WDFY3: variants seen among roughly 807,000 people sequenced by gnomAD.
WDFY3 encodes the protein WD repeat and FYVE domain-containing protein 3.
WDFY3 carries 66 observed loss-of-function variants against 409.6 expected under a neutral mutation model. The observed-to-expected ratio is 0.16, with a 90% CI of 0.13 to 0.20. The LOEUF (loss-of-function observed/expected upper bound fraction) is 0.20, where lower values mean the gene tolerates loss of function less well. WDFY3 is among the 10% of genes least tolerant of loss of function. The probability of loss-of-function intolerance (pLI) is 1.00; values close to 1 mark genes in which losing one functional copy is unlikely to be tolerated. For synonymous variants in WDFY3, 1,521 were observed against 1,537.1 expected (o/e 0.99, Z 0.25); for missense variants, 3,031 against 4,298.1 (o/e 0.71, Z 8.24).
chr4:84,791,081 CAT>C (rs1748437389), intron 21 of WDFY3, among the ~76,000 whole-genome samples: 1 of 152,184 alleles, frequency 6.6e-6, no homozygotes, highest in African/African-American at 2.4e-5. Flanking sequence ...ATAGAACTAA[CAT>C]ATAATCCAGC....
intron 42 of WDFY3, among the ~76,000 whole-genome samples, chr4:84,735,570 C>G (rs1737304466): frequency 6.6e-6 from 1 of 152,220 alleles, no homozygotes; most frequent in Non-Finnish European, 1.5e-5. Context: ...ATCCTGCTTT[C>G]TTCTCCCTTC....
chr4:84,787,357 A>G (rs1248729005), intron 23 of WDFY3, 125 bp downstream of exon 23: 1 of 847,666 alleles, frequency 1.2e-6, no homozygotes, highest in East Asian at 2.7e-5. Context: ...ATCCTGCTGA[A>G]GAAGATTAGA....
intron 64 of WDFY3, 57 bp downstream of exon 64, chr4:84,682,317 A>C: frequency 6.6e-7 from 1 of 1,525,368 alleles, no homozygotes; most frequent in Non-Finnish European, 9.0e-7. Context: ...GCTTATCCAC[A>C]GTGACTTAAA....
At chr4:84,805,206 A>G (rs936204354) in intron 15 of WDFY3, among the ~76,000 whole-genome samples, 1 of 152,198 alleles carries the variant, frequency 6.6e-6, no homozygotes, top group African/African-American at 2.4e-5. Context: ...TACTCAAGAT[A>G]TCTCATTATA....
rs185027951 is a variant in WDFY3 at position 84,754,550 on chromosome 4, G to C, written c.5560-674C>G. On this transcript the variant is annotated intron_variant, in intron 34 of 67. Coordinates refer to ENST00000295888, the MANE Select transcript of WDFY3 (RefSeq NM_014991.6). ...TTGTCAGGTACATGTAATTCAAGGA[G>C]TCAAGTTAATATTTCCTGTTACAAC... is the stretch of plus-strand genomic sequence containing the variant. Among the ~76,000 whole-genome samples, 278 of 152,208 alleles carry C rather than the reference G, an allele frequency of 1.8e-3. 1 individual carries two copies. The highest frequency in any genetic ancestry group is 6.3e-3 in the African/African-American group (261 of 41,532).
chr4:84,832,310 A>G lies in WDFY3; in HGVS notation c.577-705T>C, dbSNP rs374081668. 5.3e-5 allele frequency among the ~76,000 whole-genome samples: 8 copies of G among 152,294 alleles called. No individual in the cohort carries two copies. The East Asian group carries it at 1.2e-3, about 22-fold the overall frequency. ...AGTTGATCTCATGAAAGTAAAGAGT[A>G]GAGTTTTGGTTACCAAGGGTGGATA... On this transcript the variant is annotated intron_variant, in intron 7 of 67. Transcript: ENST00000295888.
chr4:84,784,858 GTATATATA>G (rs71670882), intron 24 of WDFY3, among the ~76,000 whole-genome samples: 3,262 of 88,958 alleles, frequency 0.037, 82 homozygotes, highest in African/African-American at 0.05. Context: ...AAGTGTATAT[GTATATATA>G]TATATATATA....
chr4:84,937,555 T>G (rs1771583679), intron 1 of WDFY3, among the ~76,000 whole-genome samples: 1 of 152,134 alleles, frequency 6.6e-6, no homozygotes, highest in Non-Finnish European at 1.5e-5. Flanking sequence ...TAGTAACTGG[T>G]CTCCCAACTT....
intron 36 of WDFY3, 59 bp from the exon 37 acceptor site, chr4:84,743,858 A>ACCACATTT: frequency 8.2e-7 from 1 of 1,224,752 alleles, no homozygotes; most frequent in Non-Finnish European, 1.1e-6. Context: ...TATGAGCTCA[A>ACCACATTT]CCACATTTAC....
intron 8 of WDFY3, among the ~76,000 whole-genome samples, chr4:84,830,787 TTC>T (rs1223398703): frequency 6.6e-6 from 1 of 151,946 alleles, no homozygotes; most frequent in African/African-American, 2.4e-5. Context: ...TCAAAAAAAC[TTC>T]TTTTTTATTC....
Position 84,671,185 on chromosome 4 carries a change from A to G in WDFY3, c.*1683T>C, listed in dbSNP as rs1393106486. On this transcript the variant is annotated 3_prime_UTR_variant, in exon 68 of 68. Coordinates refer to ENST00000295888, the MANE Select transcript of WDFY3 (RefSeq NM_014991.6). The stretch of plus-strand genomic sequence containing the variant: ...GTTTCAGCCCATCAGGTACAAGATC[A>G]CCATTGTACCAAATGCCTATTTTTG... 6.6e-6 allele frequency: 1 copy of G among 152,578 alleles called. No homozygotes were observed. The highest frequency in any genetic ancestry group is 1.5e-5 in the Non-Finnish European group (1 of 68,024). The allele number at this position is 152,578 out of a possible 1,614,324, so 9.5% of individuals were successfully genotyped here.
chr4:84,950,539 C>T (rs1358756717), intron 1 of WDFY3, among the ~76,000 whole-genome samples: 2 of 152,148 alleles, frequency 1.3e-5, no homozygotes, highest in Non-Finnish European at 1.5e-5. Flanking sequence ...CACCTGTAAT[C>T]TCAGCACTTT....
chr4:84,737,398 G>A (rs753997051), intron 40 of WDFY3, 32 bp from the exon 41 acceptor site: 7 of 1,517,508 alleles, frequency 4.6e-6, no homozygotes, highest in Non-Finnish European at 6.2e-6. Context: ...AAACAAAAAA[G>A]TAAGCAAATG....
chr4:84,704,048 T>C (rs1427237719), intron 55 of WDFY3, among the ~76,000 whole-genome samples: 1 of 152,176 alleles, frequency 6.6e-6, no homozygotes, highest in African/African-American at 2.4e-5. Context: ...CTGGAATATA[T>C]CATGTTTTTG....
At position 84,709,314 on chromosome 4, in the gene WDFY3, C is replaced by T. The variant is rs750199291; in HGVS notation, c.8076G>A (p.Lys2692=). The change falls in exon 52 of 68, where the codon AAG becomes AAA. Residue 2692 remains lysine, a synonymous_variant. Coordinates refer to ENST00000295888, the MANE Select transcript of WDFY3 (RefSeq NM_014991.6). The part of the protein sequence containing the change: ...SGLLSTLVGE[K]SVTQRWERGE... Reference sequence around the variant, plus strand: ...TTACCTCCCATCTCTGAGTCACAGACTTCTCTCCAACCAAAGTGCTAAGTA... The same window carrying T: ...TTACCTCCCATCTCTGAGTCACAGATTTCTCTCCAACCAAAGTGCTAAGTA... 2 of 1,611,942 alleles carry T rather than the reference C, an allele frequency of 1.2e-6. No individual in the cohort carries two copies. Among genetic ancestry groups the T allele is most frequent in the South Asian group, 1.1e-5 (1 of 90,442 alleles).
intron 6 of WDFY3, among the ~76,000 whole-genome samples, chr4:84,839,264 A>G (rs1158125598): frequency 6.6e-6 from 1 of 152,062 alleles, no homozygotes; most frequent in Non-Finnish European, 1.5e-5. Context: ...AATTATATAA[A>G]GTTTTAATAG....
chr4:84,938,094 T>A (rs1243192575), intron 1 of WDFY3, among the ~76,000 whole-genome samples: 2 of 152,162 alleles, frequency 1.3e-5, no homozygotes, highest in Non-Finnish European at 2.9e-5. Context: ...TTTGTCTATG[T>A]CCTTCCATGA....
At chr4:84,754,210 T>C (rs899032035) in intron 34 of WDFY3, among the ~76,000 whole-genome samples, 6 of 152,130 alleles carry the variant, frequency 3.9e-5, no homozygotes, top group Non-Finnish European at 5.9e-5. Context: ...ACCATTAATG[T>C]TGCCCCATCG....
chr4:84,940,602 A>G (rs1771983601), intron 1 of WDFY3, among the ~76,000 whole-genome samples: 1 of 152,136 alleles, frequency 6.6e-6, no homozygotes, highest in South Asian at 2.1e-4. Context: ...CATAAAAGAT[A>G]GCACACTATA....
Sources: allele counts gnomAD v4.1 joint callset (sites outside exome capture counted in the v4.1 genomes callset), GRCh38; gene constraint gnomAD v4.1.1; transcripts MANE v1.5; gene names NCBI Gene and HGNC (gene_info 2026-07-23, HGNC 2026-07-21).